The following RSAD2 variants were observed in gnomAD, a reference collection of about 807,000 sequenced individuals.
RSAD2 encodes the protein S-adenosylmethionine-dependent nucleotide dehydratase RSAD2.
A neutral mutation model predicts 37.7 loss-of-function variants in RSAD2; 38 were observed. The ratio of observed to expected loss-of-function variants is 1.01; its 90% CI spans 0.78 to 1.32. The LOEUF (loss-of-function observed/expected upper bound fraction) is 1.32, where lower values mean the gene tolerates loss of function less well. Ranked by LOEUF, RSAD2 falls within the 40% of genes most tolerant of loss-of-function variation. The probability of loss-of-function intolerance (pLI) is 0.00; values close to 1 mark genes in which losing one functional copy is unlikely to be tolerated. For missense variants in RSAD2, 428 were observed against 437.5 expected (o/e 0.98, Z 0.19); for synonymous variants, 163 against 157.4 (o/e 1.04, Z -0.27).
chr2:6,887,596 T>G (rs977537868), intron 3 of RSAD2, among the ~76,000 whole-genome samples: 13 of 152,230 alleles, frequency 8.5e-5, no homozygotes, highest in Non-Finnish European at 1.5e-4. Context: ...CTTCCCCAAG[T>G]TGTAGCAAAA....
intron 2 of RSAD2, among the ~76,000 whole-genome samples, chr2:6,884,063 A>G (rs1199354840): frequency 6.6e-6 from 1 of 152,234 alleles, no homozygotes; most frequent in Non-Finnish European, 1.5e-5. Context: ...AGTTCTTAAA[A>G]CTTAGCAAGA....
chr2:6,867,386 G>A (rs907778234), intron 1 of RSAD2, among the ~76,000 whole-genome samples: 2 of 152,062 alleles, frequency 1.3e-5, no homozygotes, highest in African/African-American at 4.8e-5. Flanking sequence ...CATCCTTGGC[G>A]TCTCCTTGAA....
At chr2:6,868,998 C>G (rs923365148) in intron 1 of RSAD2, among the ~76,000 whole-genome samples, 1 of 152,192 alleles carries the variant, frequency 6.6e-6, no homozygotes, top group Non-Finnish European at 1.5e-5. Flanking sequence ...CATTCATTGT[C>G]GGGGTCCTGA....
At chr2:6,867,341 C>T (rs1024959782) in intron 1 of RSAD2, among the ~76,000 whole-genome samples, 3 of 152,234 alleles carry the variant, frequency 2.0e-5, no homozygotes, top group African/African-American at 7.2e-5. Flanking sequence ...GCCTCCTTCT[C>T]TCTGTGTTCT....
Position 6,877,791 on chromosome 2 carries a change from A to C in RSAD2, c.-10A>C, listed in dbSNP as rs751045215. On this transcript the variant is annotated 5_prime_UTR_variant, in exon 1 of 6. Coordinates refer to ENST00000382040, the MANE Select transcript of RSAD2 (RefSeq NM_080657.5). ...ATACAGAGACTGCTCTGCTCCAGGCATCTGCCACAATGTGGGTGCTTACAC... is the reference window on the plus strand; with the variant it reads ...ATACAGAGACTGCTCTGCTCCAGGCCTCTGCCACAATGTGGGTGCTTACAC... The C allele has an allele frequency of 5.6e-6, 9 of 1,610,208 alleles. No homozygotes were observed. The highest frequency in any genetic ancestry group is 1.1e-5 in the South Asian group (1 of 90,742).
chr2:6,875,285 A>C (rs1046799911), upstream of RSAD2, among the ~76,000 whole-genome samples: 2 of 152,338 alleles, frequency 1.3e-5, no homozygotes, highest in African/African-American at 4.8e-5. Flanking sequence ...ATCCTGATAA[A>C]GTTTACCAGC....
chr2:6,865,981 C>T (rs1247269795), exon 1 of RSAD2: 23 of 916,248 alleles, frequency 2.5e-5, no homozygotes, highest in African/African-American at 5.4e-5. Context: ...CGCGGGCCTG[C>T]GCGGTCCCCA....
intron 2 of RSAD2, among the ~76,000 whole-genome samples, chr2:6,884,408 A>G (rs987869876): frequency 6.6e-6 from 1 of 152,198 alleles, no homozygotes; most frequent in Non-Finnish European, 1.5e-5. Flanking sequence ...ATGGTAGTGA[A>G]GGGAGGCACT....
At position 6,887,213 on chromosome 2, in the gene RSAD2, G is replaced by A. The variant is rs149620895; in HGVS notation, c.738+49G>A. On this transcript the variant is annotated intron_variant, in intron 3 of 5. Transcript: ENST00000382040. ...CTGATTTCCTTCAAGAAAACTTTCA[G>A]GAATGACTTTTTTCAATGAAACTGA... The A allele has an allele frequency of 2.2e-5, 31 of 1,414,674 alleles. No individual in the cohort carries two copies. The African/African-American group carries it at 3.8e-4, about 18-fold the overall frequency. The allele number at this position is 1,414,674 out of a possible 1,614,324, so 87.6% of individuals were successfully genotyped here.
chr2:6,888,417 A>G (rs1350317178), intron 3 of RSAD2, among the ~76,000 whole-genome samples: 1 of 152,166 alleles, frequency 6.6e-6, no homozygotes, highest in Non-Finnish European at 1.5e-5. Flanking sequence ...GATAGGAAAA[A>G]CAGGGACATG....
chr2:6,883,783 C>T (rs1455181573), intron 2 of RSAD2: 2 of 451,058 alleles, frequency 4.4e-6, no homozygotes, highest in East Asian at 3.8e-5. Flanking sequence ...CTATCTTGTA[C>T]ATTGCAATTT....
intron 4 of RSAD2, 126 bp downstream of exon 4, chr2:6,890,451 G>A: frequency 9.8e-7 from 1 of 1,022,652 alleles, no homozygotes; most frequent in Non-Finnish European, 1.4e-6. Context: ...GAAATGGGAG[G>A]AATGCCATGT....
At chr2:6,883,229 G>A in intron 1 of RSAD2, 142 bp from the exon 2 acceptor site, 1 of 801,366 alleles carries the variant, frequency 1.2e-6, no homozygotes, top group African/African-American at 1.7e-5. Flanking sequence ...GGTGGGATTG[G>A]TGTTGGGAAC....
At chr2:6,875,164 C>A (rs1663261370), upstream of RSAD2, among the ~76,000 whole-genome samples, 1 of 152,132 alleles carries the variant, frequency 6.6e-6, no homozygotes, top group South Asian at 2.1e-4. Flanking sequence ...CTAACGTGCA[C>A]CTACTTTAGG....
At chr2:6,888,161 GT>G (rs1340438398) in intron 3 of RSAD2, among the ~76,000 whole-genome samples, 1 of 152,160 alleles carries the variant, frequency 6.6e-6, no homozygotes, top group Non-Finnish European at 1.5e-5. Flanking sequence ...TGCCTTGGCT[GT>G]TTTTTTAAAT....
chr2:6,887,250 A>G, intron 3 of RSAD2, 86 bp downstream of exon 3: 1 of 1,010,788 alleles, frequency 9.9e-7, no homozygotes, highest in East Asian at 2.6e-5. Context: ...AACAATACTG[A>G]TACAAGAGAA....
At chr2:6,872,300 A>G (rs1663214806) in intron 1 of RSAD2, among the ~76,000 whole-genome samples, 1 of 152,210 alleles carries the variant, frequency 6.6e-6, no homozygotes, top group Non-Finnish European at 1.5e-5. Flanking sequence ...ATTCAGAAGA[A>G]CAAGAGTTCT....
rs558797009 is a variant in RSAD2 at position 6,867,623 on chromosome 2, A to G, written c.142+1578A>G. Among the ~76,000 whole-genome samples, 5 of 152,182 alleles carry G rather than the reference A, an allele frequency of 3.3e-5. No homozygotes were observed. The East Asian group carries it at 7.7e-4, about 24-fold the overall frequency. ...CTCTCCTGTGTCCCCCACCAAGGCT[A>G]TTTGTATCCTCGGACCTTGACACTC... On this transcript the variant is annotated intron_variant, in intron 1 of 5. Coordinates refer to the RSAD2 transcript ENST00000442639.
chr2:6,874,779 C>A (rs765829259), upstream of RSAD2, among the ~76,000 whole-genome samples: 1 of 152,158 alleles, frequency 6.6e-6, no homozygotes, highest in East Asian at 1.9e-4. Context: ...AAAGTGGAAG[C>A]ATTTGCCTTT....
Sources: allele counts gnomAD v4.1 joint callset (sites outside exome capture counted in the v4.1 genomes callset), GRCh38; gene constraint gnomAD v4.1.1; transcripts MANE v1.5; gene names NCBI Gene and HGNC (gene_info 2026-07-23, HGNC 2026-07-21).